SHANK2: variants seen among roughly 807,000 people sequenced by gnomAD.
The protein encoded by SHANK2 is SH3 and multiple ankyrin repeat domains 2.
Under a neutral mutation model 133.7 loss-of-function variants are expected in SHANK2, and 43 were observed. The ratio of observed to expected loss-of-function variants is 0.32; its 90% CI spans 0.25 to 0.41. SHANK2 has a LOEUF of 0.41. Ranked by LOEUF, SHANK2 falls within the 10% of genes least tolerant of loss-of-function variation. SHANK2 has a pLI of 1.00. For missense variants in SHANK2, 1,994 were observed against 2,235.8 expected, an observed-to-expected ratio of 0.89 and a Z score of 2.18; for synonymous variants, 1,017 against 952.8, an observed-to-expected ratio of 1.07 and a Z score of -1.24.
intron 8 of SHANK2, among the ~76,000 whole-genome samples, chr11:71,078,004 A>C (rs1951243842): frequency 1.3e-5 from 2 of 152,100 alleles, no homozygotes; most frequent in East Asian, 3.9e-4. Flanking sequence ...GTGCAGGACC[A>C]GCAACAGCCC....
At chr11:70,795,005 T>C (rs899176469) in intron 14 of SHANK2, among the ~76,000 whole-genome samples, 4 of 152,078 alleles carry the variant, frequency 2.6e-5, no homozygotes, top group Admixed American at 2.0e-4. Flanking sequence ...CAAAAGAAGG[T>C]GCTAAGTCAC....
chr11:70,918,541 C>T (rs572589508), intron 10 of SHANK2, among the ~76,000 whole-genome samples: 1 of 152,276 alleles, frequency 6.6e-6, no homozygotes, highest in African/African-American at 2.4e-5. Flanking sequence ...GTTGTTCTGT[C>T]TTCCAGACTG....
At chr11:70,501,417 A>G (rs2059049781) in intron 20 of SHANK2, among the ~76,000 whole-genome samples, 1 of 152,202 alleles carries the variant, frequency 6.6e-6, no homozygotes, top group Admixed American at 6.5e-5. Context: ...GGCCAGCTGG[A>G]CTGGACCGTG....
intron 14 of SHANK2, among the ~76,000 whole-genome samples, chr11:70,761,478 G>A (rs1164221207): frequency 1.3e-5 from 2 of 152,210 alleles, no homozygotes; most frequent in South Asian, 2.1e-4. Flanking sequence ...CCCACAGAAC[G>A]AGGCACCATG....
intron 11 of SHANK2, among the ~76,000 whole-genome samples, chr11:70,836,603 G>A (rs1948821683): frequency 6.6e-6 from 1 of 152,156 alleles, no homozygotes; most frequent in Non-Finnish European, 1.5e-5. Flanking sequence ...ACTGTTCATA[G>A]GCTCCTCACC....
intron 14 of SHANK2, among the ~76,000 whole-genome samples, chr11:70,758,985 T>A (rs2134963147): frequency 6.7e-6 from 1 of 150,180 alleles, no homozygotes; most frequent in Non-Finnish European, 1.5e-5. Context: ...ATGGTGAAAC[T>A]CTGTCTCCAC....
In SHANK2 at chr11:71,085,905, A is replaced by G; in HGVS notation, c.912+6517T>C. 5.8e-3 allele frequency among the ~76,000 whole-genome samples: 2 copies of G among 342 alleles called. 1 individual carries two copies. The highest frequency in any genetic ancestry group is 0.25 in the Admixed American group (2 of 8). 0.2% of individuals were successfully genotyped at this position (342 alleles called of 152,430 possible). A position where few individuals can be genotyped will look rare whatever the true frequency, so the allele number is the denominator to read the frequency against. ...TATAACCTTAATATATATATTAATT[A>G]TATATTAATATAACATAATAAATTG... On this transcript the variant is annotated intron_variant, in intron 8 of 25. Transcript: ENST00000601538.
At chr11:70,780,745 TG>T (rs1294078846) in intron 14 of SHANK2, among the ~76,000 whole-genome samples, 2 of 152,084 alleles carry the variant, frequency 1.3e-5, no homozygotes, top group Non-Finnish European at 2.9e-5. Context: ...GCTAATTTTT[TG>T]TACTTTTAGT....
chr11:70,497,822 G>A (rs1555157450), intron 21 of SHANK2, among the ~76,000 whole-genome samples: 1 of 152,234 alleles, frequency 6.6e-6, no homozygotes, highest in East Asian at 1.9e-4. Context: ...GGAGGCCCAG[G>A]ACCACCCAGG....
chr11:71,206,220 C>T (rs1382926368), intron 2 of SHANK2, among the ~76,000 whole-genome samples: 3 of 152,216 alleles, frequency 2.0e-5, no homozygotes, highest in African/African-American at 7.2e-5. Context: ...CCTCTCCGGA[C>T]AGGCACACAC....
chr11:71,121,482 C>G (rs548158270), intron 3 of SHANK2, among the ~76,000 whole-genome samples: 1 of 152,170 alleles, frequency 6.6e-6, no homozygotes, highest in Non-Finnish European at 1.5e-5. Context: ...GTCAGATGGA[C>G]AGATTGCAAA....
At chr11:70,845,943 A>G (rs1383998710) in intron 11 of SHANK2, among the ~76,000 whole-genome samples, 1 of 152,104 alleles carries the variant, frequency 6.6e-6, no homozygotes, top group Non-Finnish European at 1.5e-5. Flanking sequence ...CGTCAGAGGA[A>G]AGCACCCCAG....
intron 15 of SHANK2, among the ~76,000 whole-genome samples, chr11:70,662,727 C>T (rs1555013817): frequency 6.6e-6 from 1 of 151,984 alleles, no homozygotes; most frequent in East Asian, 1.9e-4. Context: ...AAAGCTCCAA[C>T]TTTGCTCTAG....
intron 17 of SHANK2, among the ~76,000 whole-genome samples, chr11:70,551,969 A>G (rs1353795573): frequency 2.0e-5 from 3 of 152,108 alleles, no homozygotes; most frequent in African/African-American, 4.8e-5. Context: ...GGCACGGGGG[A>G]GCCCGTGGGG....
intron 2 of SHANK2, among the ~76,000 whole-genome samples, chr11:71,185,141 AC>A (rs1953644597): frequency 6.6e-6 from 1 of 152,202 alleles, no homozygotes; most frequent in Non-Finnish European, 1.5e-5. Flanking sequence ...ATTATAGGCT[AC>A]CATGATGCTG....
intron 17 of SHANK2, among the ~76,000 whole-genome samples, chr11:70,594,428 T>C (rs1254864517): frequency 1.3e-5 from 2 of 152,202 alleles, no homozygotes; most frequent in Non-Finnish European, 2.9e-5. Flanking sequence ...CAGCCTCCTT[T>C]CTACGTGGGG....
intron 17 of SHANK2, among the ~76,000 whole-genome samples, chr11:70,585,431 C>T (rs983351843): frequency 2.6e-5 from 4 of 152,204 alleles, no homozygotes; most frequent in Admixed American, 6.5e-5. Context: ...CCTCACAGCT[C>T]TAAGTCCCAG....
chr11:71,076,134 G>T (rs1345050398), intron 8 of SHANK2, among the ~76,000 whole-genome samples: 1 of 152,064 alleles, frequency 6.6e-6, no homozygotes. Flanking sequence ...GGCCAGGGAG[G>T]TCCCCGCACA....
intron 11 of SHANK2, among the ~76,000 whole-genome samples, chr11:70,857,344 A>G (rs1350177809): frequency 6.6e-6 from 1 of 152,214 alleles, no homozygotes; most frequent in Non-Finnish European, 1.5e-5. Flanking sequence ...TACTCAATGT[A>G]CGGTGACCCG....
Sources: gnomAD v4.1 joint callset for allele counts (sites outside exome capture counted in the v4.1 genomes callset) on GRCh38, gnomAD v4.1.1 for gene constraint, MANE v1.5 for transcripts, NCBI Gene and HGNC (gene_info 2026-07-23, HGNC 2026-07-21) for gene names.